The following LINGO2 variants were observed in gnomAD, a reference collection of about 807,000 sequenced individuals.
The protein encoded by LINGO2 is leucine-rich repeat and immunoglobulin-like domain-containing nogo receptor-interacting protein 2.
Under a neutral mutation model 30.6 loss-of-function variants are expected in LINGO2, and 14 were observed. The ratio of observed to expected loss-of-function variants is 0.46; its 90% confidence interval spans 0.30 to 0.72. LINGO2 has a LOEUF of 0.72. Among genes scored for constraint, LINGO2 ranks in the 30% least tolerant of loss-of-function variants. LINGO2 has a pLI of 0.07. For missense variants in LINGO2, 729 were observed against 751.7 expected (o/e 0.97, Z 0.35); for synonymous variants, 317 against 288.5 (o/e 1.10, Z -1.00).
chr9:28,095,133 C>T (rs530964449), intron 4 of LINGO2, among the ~76,000 whole-genome samples: 2 of 152,154 alleles, frequency 1.3e-5, no homozygotes, highest in African/African-American at 4.8e-5. Flanking sequence ...CCTTGAAAGA[C>T]AGAGCAACAC....
At chr9:28,309,283 G>A (rs935820854) in intron 3 of LINGO2, among the ~76,000 whole-genome samples, 4 of 152,102 alleles carry the variant, frequency 2.6e-5, no homozygotes, top group East Asian at 3.9e-4. Flanking sequence ...TCCTTTGTAG[G>A]GACATGGATG....
the LINGO2 span, among the ~76,000 whole-genome samples, chr9:29,037,160 C>G: frequency 4.0e-5 from 6 of 151,788 alleles, no homozygotes; most frequent in Admixed American, 2.6e-4. Context: ...AGTGTGGAAC[C>G]TTATCTACTA....
At chr9:28,859,558 C>G in the LINGO2 span, among the ~76,000 whole-genome samples, 1 of 151,906 alleles carries the variant, frequency 6.6e-6, no homozygotes, top group African/African-American at 2.4e-5. Context: ...TTGTGATTCC[C>G]TAATTTTTTG....
chr9:28,055,039 A>AAAT (rs1554666914), intron 4 of LINGO2, among the ~76,000 whole-genome samples: 2 of 151,656 alleles, frequency 1.3e-5, no homozygotes, highest in Non-Finnish European at 2.9e-5. Context: ...TTGCAAAAAA[A>AAAT]ATATATATAG....
intron 4 of LINGO2, among the ~76,000 whole-genome samples, chr9:28,027,350 T>C (rs1823429943): frequency 6.6e-6 from 1 of 152,222 alleles, no homozygotes; most frequent in African/African-American, 2.4e-5. Context: ...AATTTGGCTG[T>C]AGTTCATTAT....
chr9:28,167,807 T>G (rs1828474064), intron 4 of LINGO2, among the ~76,000 whole-genome samples: 1 of 152,216 alleles, frequency 6.6e-6, no homozygotes, highest in Admixed American at 6.5e-5. Flanking sequence ...TTGCTCAAAT[T>G]GGCATCCTAC....
At chr9:28,828,087 C>T in the LINGO2 span, among the ~76,000 whole-genome samples, 1 of 151,710 alleles carries the variant, frequency 6.6e-6, no homozygotes. Context: ...TTCCACTATG[C>T]AAAGCTATGA....
At chr9:28,316,160 A>T (rs1410174104) in intron 3 of LINGO2, among the ~76,000 whole-genome samples, 1 of 152,070 alleles carries the variant, frequency 6.6e-6, no homozygotes, top group African/African-American at 2.4e-5. Flanking sequence ...TAAGCAGCCA[A>T]TAAATGTTAG....
chr9:28,101,969 C>G (rs906898474), intron 4 of LINGO2, among the ~76,000 whole-genome samples: 1 of 152,096 alleles, frequency 6.6e-6, no homozygotes, highest in Admixed American at 6.6e-5. Context: ...GAACATGCTG[C>G]CATAGACTGG....
chr9:28,625,236 T>C (rs189072966), intron 1 of LINGO2, among the ~76,000 whole-genome samples: 1 of 152,228 alleles, frequency 6.6e-6, no homozygotes, highest in East Asian at 1.9e-4. Context: ...AAACCCAGCA[T>C]AGCTTTACTT....
At chr9:28,274,392 G>T (rs1823045399) in intron 4 of LINGO2, among the ~76,000 whole-genome samples, 1 of 152,100 alleles carries the variant, frequency 6.6e-6, no homozygotes, top group Admixed American at 6.6e-5. Flanking sequence ...GGGTTAAACT[G>T]ACATCAAGAT....
At chr9:29,085,083 G>T in the LINGO2 span, among the ~76,000 whole-genome samples, 1 of 151,520 alleles carries the variant, frequency 6.6e-6, no homozygotes, top group Non-Finnish European at 1.5e-5. Flanking sequence ...AAAATTTATT[G>T]TAACAACATT....
the LINGO2 span, among the ~76,000 whole-genome samples, chr9:28,969,631 G>A: frequency 6.6e-6 from 1 of 152,132 alleles, no homozygotes; most frequent in Non-Finnish European, 1.5e-5. Flanking sequence ...CCCTGTTCCT[G>A]ATAACTTGGA....
At chr9:29,106,918 T>C in the LINGO2 span, among the ~76,000 whole-genome samples, 1 of 152,160 alleles carries the variant, frequency 6.6e-6, no homozygotes, top group Non-Finnish European at 1.5e-5. Flanking sequence ...TTCAATGATT[T>C]CAAGTTACTA....
the LINGO2 span, among the ~76,000 whole-genome samples, chr9:29,047,460 C>T: frequency 1.3e-5 from 2 of 152,084 alleles, no homozygotes. Flanking sequence ...TTAGTTCAAC[C>T]GTTGTGAAAA....
the LINGO2 span, among the ~76,000 whole-genome samples, chr9:29,006,232 T>C: frequency 6.6e-6 from 1 of 151,982 alleles, no homozygotes; most frequent in Non-Finnish European, 1.5e-5. Context: ...TATTATTTAG[T>C]ATTCAAACAA....
intron 4 of LINGO2, among the ~76,000 whole-genome samples, chr9:28,263,600 A>G (rs1328820978): frequency 6.6e-6 from 1 of 151,968 alleles, no homozygotes; most frequent in Non-Finnish European, 1.5e-5. Context: ...AATCTCATTT[A>G]TTTCTCTCAA....
the LINGO2 span, among the ~76,000 whole-genome samples, chr9:28,828,064 A>G: frequency 2.0e-5 from 3 of 151,950 alleles, no homozygotes; most frequent in African/African-American, 7.2e-5. Context: ...TAAATGTTGC[A>G]TTTTATAAAC....
At chr9:28,713,738 G>A in the LINGO2 span, among the ~76,000 whole-genome samples, 1 of 152,072 alleles carries the variant, frequency 6.6e-6, no homozygotes. Flanking sequence ...AGAAGCAGTG[G>A]CTACCACAAT....
Sources: gnomAD v4.1 joint callset for allele counts (sites outside exome capture counted in the v4.1 genomes callset) on GRCh38, gnomAD v4.1.1 for gene constraint, MANE v1.5 for transcripts, NCBI Gene and HGNC (gene_info 2026-07-23, HGNC 2026-07-21) for gene names.